Variants in PXDNL observed in about 807,000 individuals in gnomAD.
The protein encoded by PXDNL is peroxidasin like.
PXDNL carries 145 observed loss-of-function variants against 150.8 expected under a neutral mutation model. The ratio of observed to expected loss-of-function variants is 0.96; its 90% CI spans 0.84 to 1.10. PXDNL has a LOEUF of 1.10. Among genes scored for constraint, PXDNL ranks in the 50% least tolerant of loss-of-function variants. The pLI is 0.00. For missense variants in PXDNL, 2,087 were observed against 1,873.9 expected (o/e 1.11, Z -2.10); for synonymous variants, 757 against 725.7 (o/e 1.04, Z -0.69).
intron 2 of PXDNL, among the ~76,000 whole-genome samples, chr8:51,594,132 G>A (rs16916582): frequency 0.023 from 3,541 of 152,196 alleles, 64 homozygotes; most frequent in African/African-American, 0.05. Context: ...GTCCACCTTA[G>A]TCTATTAAAT....
intron 2 of PXDNL, among the ~76,000 whole-genome samples, chr8:51,600,590 T>C (rs1339687840): frequency 6.0e-5 from 8 of 134,206 alleles, no homozygotes; most frequent in African/African-American, 1.9e-4. Flanking sequence ...TTATATCTTA[T>C]ATAAATTATA....
chr8:51,532,928 A>T (rs1268182035), intron 4 of PXDNL, among the ~76,000 whole-genome samples: 1 of 152,186 alleles, frequency 6.6e-6, no homozygotes, highest in African/African-American at 2.4e-5. Context: ...TTTTTGATTA[A>T]GCCACAACTC....
intron 19 of PXDNL, among the ~76,000 whole-genome samples, chr8:51,356,744 T>G (rs1392356938): frequency 1.3e-5 from 2 of 152,218 alleles, no homozygotes; most frequent in African/African-American, 2.4e-5. Flanking sequence ...AGCATTTGTC[T>G]CATGAGGTTT....
intron 20 of PXDNL, among the ~76,000 whole-genome samples, chr8:51,345,031 C>CA (rs1464328404): frequency 1.3e-5 from 2 of 151,992 alleles, no homozygotes; most frequent in African/African-American, 4.8e-5. Flanking sequence ...AAATGGATGC[C>CA]AAAAATGGAT....
intron 1 of PXDNL, among the ~76,000 whole-genome samples, chr8:51,716,262 T>G (rs897089996): frequency 6.6e-6 from 1 of 152,254 alleles, no homozygotes; most frequent in Non-Finnish European, 1.5e-5. Context: ...ACCCTTTCGG[T>G]AGATATTTCT....
chr8:51,779,691 A>G (rs1336396415), intron 1 of PXDNL, among the ~76,000 whole-genome samples: 1 of 152,204 alleles, frequency 6.6e-6, no homozygotes, highest in Non-Finnish European at 1.5e-5. Flanking sequence ...CGCTCTGACA[A>G]TTGTGCATGT....
chr8:51,462,467 G>C (rs1810104793), intron 8 of PXDNL, among the ~76,000 whole-genome samples: 2 of 152,096 alleles, frequency 1.3e-5, no homozygotes, highest in African/African-American at 4.8e-5. Flanking sequence ...TGAACTTCTG[G>C]AATTGAAAAA....
chr8:51,570,077 C>T (rs1812902925), intron 3 of PXDNL, among the ~76,000 whole-genome samples: 2 of 151,910 alleles, frequency 1.3e-5, no homozygotes, highest in African/African-American at 4.8e-5. Context: ...GTGACCGGCT[C>T]AGAGAAAGAC....
At chr8:51,629,958 A>C (rs1221532638) in intron 2 of PXDNL, among the ~76,000 whole-genome samples, 1 of 151,304 alleles carries the variant, frequency 6.6e-6, no homozygotes, top group Non-Finnish European at 1.5e-5. Flanking sequence ...ATATGGAACC[A>C]AAAAAAAACC....
intron 1 of PXDNL, among the ~76,000 whole-genome samples, chr8:51,699,741 C>T (rs56152651): frequency 3.8e-4 from 58 of 152,140 alleles, no homozygotes; most frequent in African/African-American, 1.3e-3. Flanking sequence ...ACTTATGGGC[C>T]ATTGTAGGGT....
At chr8:51,448,078 TAAGAC>T (rs1344930232) in intron 11 of PXDNL, among the ~76,000 whole-genome samples, 1 of 152,208 alleles carries the variant, frequency 6.6e-6, no homozygotes, top group Non-Finnish European at 1.5e-5. Context: ...GCAAAAATGT[TAAGAC>T]AAGAAATTCA....
intron 1 of PXDNL, among the ~76,000 whole-genome samples, chr8:51,734,042 G>C (rs993166792): frequency 1.3e-5 from 2 of 151,824 alleles, no homozygotes; most frequent in Non-Finnish European, 2.9e-5. Context: ...TATCTTTCAA[G>C]CTGAGGAATG....
At chr8:51,691,990 T>C (rs964583400) in intron 1 of PXDNL, among the ~76,000 whole-genome samples, 2 of 152,164 alleles carry the variant, frequency 1.3e-5, no homozygotes, top group African/African-American at 2.4e-5. Context: ...GTAGAACCAA[T>C]ACAACCATAA....
chr8:51,377,025 CT>C (rs1807339676), intron 17 of PXDNL, among the ~76,000 whole-genome samples: 1 of 151,734 alleles, frequency 6.6e-6, no homozygotes, highest in Non-Finnish European at 1.5e-5. Context: ...CCTTGTTTCT[CT>C]TTAAGTGCTA....
intron 4 of PXDNL, among the ~76,000 whole-genome samples, chr8:51,534,951 C>T (rs1223784520): frequency 9.1e-6 from 1 of 109,334 alleles, no homozygotes; most frequent in Non-Finnish European, 1.7e-5. Flanking sequence ...CCAGCCGCCC[C>T]GTCCGGGAGG....
chr8:51,517,951 C>T (rs1378669925), intron 4 of PXDNL, among the ~76,000 whole-genome samples: 1 of 152,140 alleles, frequency 6.6e-6, no homozygotes, highest in Non-Finnish European at 1.5e-5. Context: ...GTGATTAATG[C>T]TGACTTTAAC....
chr8:51,525,435 C>T (rs77840448), intron 4 of PXDNL, among the ~76,000 whole-genome samples: 3,621 of 152,294 alleles, frequency 0.024, 151 homozygotes, highest in African/African-American at 0.082. Context: ...CACTGCCCCT[C>T]GGTCTGCTTC....
At chr8:51,760,090 C>T (rs1218995861) in intron 1 of PXDNL, among the ~76,000 whole-genome samples, 2 of 152,166 alleles carry the variant, frequency 1.3e-5, no homozygotes, top group African/African-American at 2.4e-5. Flanking sequence ...ATTTTATAAA[C>T]AAAAATGTAT....
At chr8:51,743,644 A>G (rs1033865912) in intron 1 of PXDNL, among the ~76,000 whole-genome samples, 1 of 151,852 alleles carries the variant, frequency 6.6e-6, no homozygotes, top group Non-Finnish European at 1.5e-5. Context: ...AGCCTCCCAA[A>G]GTGCTGGGAT....
Sources: gnomAD v4.1 joint callset for allele counts (sites outside exome capture counted in the v4.1 genomes callset) on GRCh38, gnomAD v4.1.1 for gene constraint, MANE v1.5 for transcripts, NCBI Gene and HGNC (gene_info 2026-07-23, HGNC 2026-07-21) for gene names.